CREB3L2: variants seen among roughly 807,000 people sequenced by gnomAD.
CREB3L2 encodes the protein cyclic AMP-responsive element-binding protein 3-like protein 2.
In CREB3L2, 23 loss-of-function variants were observed where a neutral mutation model predicts 57.2. The ratio of observed to expected loss-of-function variants is 0.40; its 90% CI spans 0.29 to 0.57. The LOEUF is 0.57. Ranked by LOEUF, CREB3L2 falls within the 20% of genes least tolerant of loss-of-function variation. The probability of loss-of-function intolerance (pLI) is 0.42; values close to 1 mark genes in which losing one functional copy is unlikely to be tolerated. For missense variants in CREB3L2, 628 were observed against 634.7 expected, an observed-to-expected ratio of 0.99 and a Z score of 0.11; for synonymous variants, 268 against 265.1, an observed-to-expected ratio of 1.01 and a Z score of -0.11.
chr7:137,945,622 C>A (rs1800959074), intron 1 of CREB3L2, among the ~76,000 whole-genome samples: 1 of 152,214 alleles, frequency 6.6e-6, no homozygotes, highest in Non-Finnish European at 1.5e-5. Flanking sequence ...TTTCCTCTGA[C>A]ACTTTAAATG....
At chr7:137,984,323 A>C (rs1801759856) in intron 1 of CREB3L2, among the ~76,000 whole-genome samples, 1 of 152,224 alleles carries the variant, frequency 6.6e-6, no homozygotes. Context: ...AGGGATGGCC[A>C]GTGAAACCTA....
chr7:137,965,820 A>T (rs1801398229), intron 1 of CREB3L2, among the ~76,000 whole-genome samples: 1 of 152,230 alleles, frequency 6.6e-6, no homozygotes, highest in African/African-American at 2.4e-5. Flanking sequence ...ATTTATGTCA[A>T]AATGGGCAAC....
intron 1 of CREB3L2, among the ~76,000 whole-genome samples, chr7:137,993,296 C>T (rs1308453048): frequency 6.6e-6 from 1 of 152,034 alleles, no homozygotes; most frequent in South Asian, 2.1e-4. Flanking sequence ...AGCCTGTGTC[C>T]CTCAACATCA....
At chr7:137,923,916 C>T (rs531740749) in intron 2 of CREB3L2, among the ~76,000 whole-genome samples, 16 of 152,188 alleles carry the variant, frequency 1.1e-4, no homozygotes, top group Non-Finnish European at 1.3e-4. Flanking sequence ...GTTTCTCAGT[C>T]CCTGCTTCCC....
At chr7:137,928,472 T>G (rs1201455980) in intron 1 of CREB3L2, 106 bp from the exon 2 acceptor site, 3 of 852,924 alleles carry the variant, frequency 3.5e-6, no homozygotes, top group African/African-American at 1.7e-5. Flanking sequence ...TGAAGTCCCT[T>G]CTACACACAC....
chr7:137,903,846 G>A (rs1318171369), intron 7 of CREB3L2, 113 bp downstream of exon 7: 1 of 883,144 alleles, frequency 1.1e-6, no homozygotes, highest in African/African-American at 1.6e-5. Context: ...AAACCACCGG[G>A]TTTCCAAGGT....
intron 1 of CREB3L2, among the ~76,000 whole-genome samples, chr7:137,984,997 C>T (rs112430306): frequency 0.023 from 3,522 of 152,196 alleles, 147 homozygotes; most frequent in African/African-American, 0.079. Context: ...ATGAGTTTTG[C>T]GGGGAGCTGG....
In CREB3L2 at chr7:137,901,327, A is replaced by G. The variant is rs150961135; in HGVS notation, c.1043+27T>C. 8,925 of 1,396,090 alleles carry G rather than the reference A, an allele frequency of 6.4e-3. 49 individuals carry two copies. Among genetic ancestry groups the G allele is most frequent in the Non-Finnish European group, 7.6e-3 (7,507 of 986,230 alleles). 86.5% of individuals were successfully genotyped at this position (1,396,090 alleles called of 1,614,324 possible). On this transcript the variant is annotated intron_variant, in intron 8 of 11. Transcript: ENST00000330387. ...TTCCCCATCTTCCATTGGTAGCGCA[A>G]TCAGCTCTCAGTCCAGTGACACTTA...
In CREB3L2 at chr7:138,001,516, T is replaced by G. The variant is rs2117342696; in HGVS notation, c.102+88A>C. ...ACCATGCCCTGCCCCAAACCCTGCC[T>G]TCCCGGGTCCCAGGACTCCAGCTGC... On this transcript the variant is annotated intron_variant, in intron 1 of 11. Transcript: ENST00000330387. This position sits in a 1 kb window ranked among gnomAD's most constrained non-coding sequence, Gnocchi z 4.2. 1.0e-6 allele frequency: 1 copy of G among 992,156 alleles called. No individual in the cohort carries two copies. The allele number at this position is 992,156 out of a possible 1,614,324, so 61.5% of individuals were successfully genotyped here.
In CREB3L2 at chr7:137,928,218, G is replaced by A. The variant is rs1206929180; in HGVS notation, c.251C>T (p.Ser84Phe). The A allele has an allele frequency of 2.5e-6, 4 of 1,610,096 alleles. No homozygotes were observed. The highest frequency in any genetic ancestry group is 2.5e-6 in the Non-Finnish European group (3 of 1,178,010). ...CTGGGCCCGAGGCTCCTCGCACAGGGAGTAGCTGTGCTCAGCCTGGATGAG... is the reference window on the plus strand; with the variant it reads ...CTGGGCCCGAGGCTCCTCGCACAGGAAGTAGCTGTGCTCAGCCTGGATGAG... ...APLIQAEHSY[S>F]LCEEPRAQSP... Residue 84 changes from serine to phenylalanine, a missense_variant, in exon 2 of 12, where the codon TCC becomes TTC. Coordinates refer to ENST00000330387, the MANE Select transcript of CREB3L2 (RefSeq NM_194071.4).
Position 137,876,753 on chromosome 7 carries a change from C to A in CREB3L2, c.*3723G>T, listed in dbSNP as rs976940595. On this transcript the variant is annotated 3_prime_UTR_variant, in exon 12 of 12. Transcript: ENST00000330387. Reference sequence around the variant, plus strand: ...GCCCAGCAAGCAGAAGTGCTGGTGTCTTTAACCCAGGTTTCTTAAAGACTG... The same window carrying A: ...GCCCAGCAAGCAGAAGTGCTGGTGTATTTAACCCAGGTTTCTTAAAGACTG... The A allele has an allele frequency of 1.7e-5, 4 of 232,134 alleles. No individual in the cohort carries two copies. The highest frequency in any genetic ancestry group is 8.8e-5 in the African/African-American group (4 of 45,248). 14.4% of individuals were successfully genotyped at this position (232,134 alleles called of 1,614,324 possible). A position where few individuals can be genotyped will look rare whatever the true frequency, so the allele number is the denominator to read the frequency against.
intron 1 of CREB3L2, among the ~76,000 whole-genome samples, chr7:137,975,739 GA>G (rs1419351349): frequency 6.6e-6 from 1 of 152,140 alleles, no homozygotes; most frequent in Admixed American, 6.5e-5. Context: ...AATTAAAAAA[GA>G]AGTAAATAAA....
At chr7:138,000,630 C>T (rs1034366891) in intron 1 of CREB3L2, among the ~76,000 whole-genome samples, 2 of 152,056 alleles carry the variant, frequency 1.3e-5, no homozygotes, top group African/African-American at 4.8e-5. Flanking sequence ...ATTAAAAAAG[C>T]GTGAAGGGGA....
At chr7:137,927,401 AGGAAG>A (rs147018896) in intron 2 of CREB3L2, among the ~76,000 whole-genome samples, 6,278 of 136,680 alleles carry the variant, frequency 0.046, 502 homozygotes, top group African/African-American at 0.16. Context: ...GAAGGAGGGA[AGGAAG>A]GGAAGGGAAG....
At chr7:137,941,791 A>G (rs1433678345) in intron 1 of CREB3L2, among the ~76,000 whole-genome samples, 2 of 152,238 alleles carry the variant, frequency 1.3e-5, no homozygotes, top group Non-Finnish European at 2.9e-5. Flanking sequence ...TTACTTTGGC[A>G]TAATAAGAGC....
intron 1 of CREB3L2, among the ~76,000 whole-genome samples, chr7:137,957,002 C>G (rs1046509686): frequency 6.6e-6 from 1 of 152,256 alleles, no homozygotes; most frequent in Non-Finnish European, 1.5e-5. Context: ...CAATGCCCCC[C>G]ACCCCCCAGT....
At chr7:137,930,043 G>A (rs1010259220) in intron 1 of CREB3L2, among the ~76,000 whole-genome samples, 5 of 151,388 alleles carry the variant, frequency 3.3e-5, no homozygotes, top group Admixed American at 1.3e-4. Context: ...ACAGGCACCC[G>A]CCACCACGTC....
chr7:137,937,262 G>C (rs1247175497), intron 1 of CREB3L2, among the ~76,000 whole-genome samples: 1 of 152,228 alleles, frequency 6.6e-6, no homozygotes, highest in Non-Finnish European at 1.5e-5. Context: ...AGAGCAAGCT[G>C]ATCCTCTCCA....
intron 1 of CREB3L2, among the ~76,000 whole-genome samples, chr7:137,979,857 G>C (rs1029811917): frequency 1.3e-5 from 2 of 152,200 alleles, no homozygotes; most frequent in Non-Finnish European, 2.9e-5. Flanking sequence ...CAGAAATGGA[G>C]ACAGCAGGGA....
Sources: allele counts gnomAD v4.1 joint callset (sites outside exome capture counted in the v4.1 genomes callset), GRCh38; gene constraint gnomAD v4.1.1; non-coding constraint Gnocchi (gnomAD v3.1); transcripts MANE v1.5; gene names NCBI Gene and HGNC (gene_info 2026-07-23, HGNC 2026-07-21).